MMP3: variants seen among roughly 807,000 people sequenced by gnomAD.
The protein encoded by MMP3 is matrix metallopeptidase 3, also known as stromelysin-1.
A neutral mutation model predicts 47.3 loss-of-function variants in MMP3; 46 were observed. The ratio of observed to expected loss-of-function variants is 0.97; its 90% CI spans 0.77 to 1.24. The LOEUF (loss-of-function observed/expected upper bound fraction) is 1.24. Among genes scored for constraint, MMP3 ranks in the 50% most tolerant of loss-of-function variants. The pLI is 0.00. For missense variants in MMP3, 558 were observed against 565.5 expected, an observed-to-expected ratio of 0.99 and a Z score of 0.13; for synonymous variants, 216 against 206.5, an observed-to-expected ratio of 1.05 and a Z score of -0.39.
chr11:102,836,406 C>T lies in MMP3; in HGVS notation c.1334-180G>A. 1.5e-6 allele frequency: 1 copy of T among 669,886 alleles called. No individual in the cohort carries two copies. The highest frequency in any genetic ancestry group is 2.8e-6 in the Non-Finnish European group (1 of 357,086). 41.5% of individuals were successfully genotyped at this position (669,886 alleles called of 1,614,324 possible). Reference sequence around the variant, plus strand: ...ATTTTCATTTATTTCTGCAACAACCCTATGAGGTTGTATGTCTAACTCCAT... The same window carrying T: ...ATTTTCATTTATTTCTGCAACAACCTTATGAGGTTGTATGTCTAACTCCAT... On this transcript the variant is annotated intron_variant, in intron 9 of 9. Transcript: ENST00000299855. This position sits in a 1 kb window ranked among gnomAD's most constrained non-coding sequence, Gnocchi z 4.6.
chr11:102,842,382 T>A lies in MMP3; in HGVS notation c.499+49A>T, dbSNP rs376815297. On this transcript the variant is annotated intron_variant, in intron 3 of 9. Transcript: ENST00000299855. ...TAGATGAATGGATACATTTCATGTG[T>A]TTTTTGTTTTGTTTTGTTTTGCTTT... The A allele has an allele frequency of 2.7e-4, 409 of 1,533,426 alleles. 1 individual carries two copies. The highest frequency in any genetic ancestry group is 3.4e-4 in the Non-Finnish European group (392 of 1,150,092). 95.0% of individuals were successfully genotyped at this position (1,533,426 alleles called of 1,614,324 possible). A position where few individuals can be genotyped will look rare whatever the true frequency, so the allele number is the denominator to read the frequency against.
chr11:102,842,404 CTT>C (rs11418340), intron 3 of MMP3, 25 bp downstream of exon 3: 60,713 of 782,536 alleles, frequency 0.078, 1 homozygote, highest in Non-Finnish European at 0.083. Flanking sequence ...TTTTGTTTTG[CTT>C]TTTTTTTTTT....
rs782616514 is a variant in MMP3 at position 102,837,387 on chromosome 11, CT to C, written c.1243del (p.Arg415GlufsTer12). 6.2e-7 allele frequency: 1 copy of C among 1,613,706 alleles called. No homozygotes were observed. Among genetic ancestry groups the C allele is most frequent in the Admixed American group, 1.7e-5 (1 of 60,006 alleles). On this transcript the variant is annotated frameshift_variant, in exon 9 of 10. Coordinates refer to ENST00000299855, the MANE Select transcript of MMP3 (RefSeq NM_002422.5). LOFTEE classifies it high-confidence loss of function. The surrounding 1 kb of genome is among the most constrained non-coding windows in gnomAD (Gnocchi z 4.4). ...GGGAAAGCCTGGCTCCATGGAATTT[CT>C]CTTCTCATCAAATCTGTACCAAGTA... ...EDKYWRFDEKRNSMEPGFPKQ... is the reference protein window; with the variant it reads ...EDKYWRFDEKXNSMEPGFPKQ...
chr11:102,843,191 A>G (rs1555005892), intron 1 of MMP3, among the ~76,000 whole-genome samples: 6 of 151,984 alleles, frequency 3.9e-5, no homozygotes. Context: ...CAGTGCTGCT[A>G]CTGCTATGGT....
intron 4 of MMP3, among the ~76,000 whole-genome samples, chr11:102,840,810 T>G (rs1319272936): frequency 6.6e-6 from 1 of 152,092 alleles, no homozygotes; most frequent in Non-Finnish European, 1.5e-5. Context: ...GAGATTGATT[T>G]CCCAGTTACA....
In MMP3 at chr11:102,835,877, A is replaced by C. The variant is rs1437733061; in HGVS notation, c.*249T>G. ...TACAGTCACTTGTCTGTTGCACACG[A>C]GTGCTTCCCCTTCTCTTGGGAAAGA... On this transcript the variant is annotated 3_prime_UTR_variant, in exon 10 of 10. Coordinates refer to ENST00000299855, the MANE Select transcript of MMP3 (RefSeq NM_002422.5). 2.3e-6 allele frequency: 1 copy of C among 439,362 alleles called. No homozygotes were observed. The highest frequency in any genetic ancestry group is 1.9e-5 in the African/African-American group (1 of 51,362). 27.2% of individuals were successfully genotyped at this position (439,362 alleles called of 1,614,324 possible).
At chr11:102,841,980 G>T (rs1427678446) in intron 4 of MMP3, among the ~76,000 whole-genome samples, 174 bp downstream of exon 4, 2 of 152,084 alleles carry the variant, frequency 1.3e-5, no homozygotes, top group African/African-American at 4.8e-5. Flanking sequence ...TAGGAAAACT[G>T]TTAAAGCATC....
At chr11:102,840,698 G>T in intron 4 of MMP3, 105 bp from the exon 5 acceptor site, 1 of 1,122,642 alleles carries the variant, frequency 8.9e-7, no homozygotes, top group Non-Finnish European at 1.3e-6. Flanking sequence ...AACCACACAG[G>T]GCTTTTTACA....
At position 102,837,023 on chromosome 11, in the gene MMP3, T is replaced by C. The variant is rs1858894253; in HGVS notation, c.1333+275A>G. Among the ~76,000 whole-genome samples, 2 of 152,214 alleles carry C rather than the reference T, an allele frequency of 1.3e-5. No homozygotes were observed. The highest frequency in any genetic ancestry group is 2.1e-4 in the South Asian group (1 of 4,828). On this transcript the variant is annotated intron_variant, in intron 9 of 9. Coordinates refer to ENST00000299855, the MANE Select transcript of MMP3 (RefSeq NM_002422.5). This position sits in a 1 kb window ranked among gnomAD's most constrained non-coding sequence, Gnocchi z 4.4. The stretch of plus-strand genomic sequence containing the variant: ...TCTGAAAGTCGAGCTTGACTCCACA[T>C]GTTAGCTCGAGATGTAAGTGACACT...
Position 102,842,829 on chromosome 11 carries a change from G to A in MMP3, c.193C>T (p.Arg65Ter), listed in dbSNP as rs143174783. The change falls in exon 2 of 10, where the codon CGA becomes TGA. Residue 65 changes from arginine to a stop codon, truncating the protein, a stop_gained. Coordinates refer to ENST00000299855, the MANE Select transcript of MMP3 (RefSeq NM_002422.5). LOFTEE classifies it high-confidence loss of function. ...AATCCAAGGAACTTCTGCATTTCTC[G>A]GATTTTTTTAACAACAGGACCACTG... is the stretch of plus-strand genomic sequence containing the variant. ...KDSGPVVKKIREMQKFLGLEV... is the reference protein window; with the variant it reads ...KDSGPVVKKI The A allele has an allele frequency of 4.7e-5, 76 of 1,613,550 alleles. 1 individual carries two copies. The Middle Eastern group carries it at 1.8e-3, about 38-fold the overall frequency.
chr11:102,839,935 C>A (rs557355113), intron 6 of MMP3, among the ~76,000 whole-genome samples, 173 bp downstream of exon 6: 48 of 152,260 alleles, frequency 3.2e-4, no homozygotes, highest in African/African-American at 1.2e-3. Context: ...CAAAAATGAA[C>A]CTGACAATTT....
Position 102,836,221 on chromosome 11 carries a change from AG to A in MMP3, c.1338del (p.Tyr448IlefsTer18). The stretch of plus-strand genomic sequence containing the variant: ...TGTGAAGATCCAGTAAAGAAATAAA[AG>A]AACCCTGCAAATACAGACAAGGGAA... ...KIDAVFEEFG[F>X]FYFFTGSSQL... On this transcript the variant is annotated frameshift_variant, in exon 10 of 10. Transcript: ENST00000299855. LOFTEE classifies it high-confidence loss of function. The surrounding 1 kb of genome is among the most constrained non-coding windows in gnomAD (Gnocchi z 4.6). 6.2e-7 allele frequency: 1 copy of A among 1,611,682 alleles called. No individual in the cohort carries two copies. Among genetic ancestry groups the A allele is most frequent in the Non-Finnish European group, 8.5e-7 (1 of 1,177,994 alleles).
chr11:102,843,091 A>G (rs2134403091), intron 1 of MMP3, among the ~76,000 whole-genome samples, 175 bp from the exon 2 acceptor site: 1 of 130,022 alleles, frequency 7.7e-6, no homozygotes, highest in East Asian at 2.5e-4. Context: ...TTTAGCTAAA[A>G]TTACGTTGCA....
In MMP3 at chr11:102,838,616, G is replaced by T. The variant is rs113916251; in HGVS notation, c.1164C>A (p.Ile388=). ...TLGFPPTVRK[I]DAAISDKEKN... is the part of the protein sequence containing the mutation. Reference sequence around the variant, plus strand: ...TTTCCTTATCAGAAATGGCTGCATCGATTTTCCTCACGGTTGGAGGGAAAC... The same window carrying T: ...TTTCCTTATCAGAAATGGCTGCATCTATTTTCCTCACGGTTGGAGGGAAAC... The change falls in exon 8 of 10, where the codon ATC becomes ATA. Residue 388 remains isoleucine (I), a synonymous_variant. Coordinates refer to ENST00000299855, the MANE Select transcript of MMP3 (RefSeq NM_002422.5). 7 of 1,613,418 alleles carry T rather than the reference G, an allele frequency of 4.3e-6. No homozygotes were observed. The East Asian group carries it at 1.6e-4, about 36-fold the overall frequency.
chr11:102,842,966 G>T (rs1555005861), intron 1 of MMP3, 50 bp from the exon 2 acceptor site: 3 of 1,441,826 alleles, frequency 2.1e-6, no homozygotes, highest in Non-Finnish European at 2.8e-6. Flanking sequence ...TTTTACTATA[G>T]CTATCTATTT....
intron 3 of MMP3, 76 bp from the exon 4 acceptor site, chr11:102,842,355 G>A (rs1413290441): frequency 1.3e-6 from 2 of 1,546,210 alleles, no homozygotes; most frequent in East Asian, 2.3e-5. Flanking sequence ...AACAACACCA[G>A]ATAGATGAAT....
In MMP3 at chr11:102,842,550, T is replaced by C. The variant is rs1859024898; in HGVS notation, c.380A>G (p.Lys127Arg). ...RIVNYTPDLP[K>R]DAVDSAVEKA... Reference sequence around the variant, plus strand: ...CTCAACAGCAGAATCAACAGCATCTTTTGGCAAATCTGGTGTATAATTCAC... The same window carrying C: ...CTCAACAGCAGAATCAACAGCATCTCTTGGCAAATCTGGTGTATAATTCAC... Residue 127 changes from lysine (K) to arginine (R), a missense_variant, in exon 3 of 10, where the codon AAA becomes AGA. Lys to Arg is a conservative substitution (Grantham distance 26). Transcript: ENST00000299855. 1 of 1,613,922 alleles carries C rather than the reference T, an allele frequency of 6.2e-7. No individual in the cohort carries two copies. Among genetic ancestry groups the C allele is most frequent in the African/African-American group, 1.3e-5 (1 of 74,992 alleles).
Position 102,835,863 on chromosome 11 carries a change from G to A in MMP3, c.*263C>T, listed in dbSNP as rs2134395708. 1 of 408,020 alleles carries A rather than the reference G, an allele frequency of 2.5e-6. No individual in the cohort carries two copies. The highest frequency in any genetic ancestry group is 5.1e-5 in the South Asian group (1 of 19,758). 25.3% of individuals were successfully genotyped at this position (408,020 alleles called of 1,614,324 possible). A position where few individuals can be genotyped will look rare whatever the true frequency, so the allele number is the denominator to read the frequency against. The stretch of plus-strand genomic sequence containing the variant: ...ATAGTCTACACAGATACAGTCACTT[G>A]TCTGTTGCACACGAGTGCTTCCCCT... On this transcript the variant is annotated 3_prime_UTR_variant, in exon 10 of 10. Transcript: ENST00000299855.
chr11:102,843,506 A>G lies in MMP3; in HGVS notation c.41T>C (p.Val14Ala). Residue 14 changes from valine (V) to alanine (A), a missense_variant, in exon 1 of 10, where the codon GTT (valine) becomes GCT (alanine). Transcript: ENST00000299855. ...LPILLLLCVA[V>A]CSAYPLDGAA... ...TCCATCCAATGGATAGGCTGAGCAA[A>G]CTGCCACGCACAGCAACAGTAGGAT... is the stretch of plus-strand genomic sequence containing the variant. 6.2e-7 allele frequency: 1 copy of G among 1,613,680 alleles called. No individual in the cohort carries two copies. The highest frequency in any genetic ancestry group is 1.7e-4 in the Middle Eastern group (1 of 6,044).
Sources: gnomAD v4.1 joint callset for allele counts (sites outside exome capture counted in the v4.1 genomes callset) on GRCh38, gnomAD v4.1.1 for gene constraint, Gnocchi (gnomAD v3.1) non-coding constraint, MANE v1.5 for transcripts, NCBI Gene and HGNC (gene_info 2026-07-23, HGNC 2026-07-21) for gene names.